CHST11: variants seen among roughly 807,000 people sequenced by gnomAD.
CHST11 encodes the protein carbohydrate sulfotransferase 11.
CHST11 carries 9 observed loss-of-function variants against 30.4 expected under a neutral mutation model. The observed-to-expected ratio is 0.30, with a 90% CI of 0.18 to 0.52. The LOEUF (loss-of-function observed/expected upper bound fraction) is 0.52. Ranked by LOEUF, CHST11 falls within the 20% of genes least tolerant of loss-of-function variation. The pLI is 0.97. For missense variants in CHST11, 348 were observed against 460.6 expected, an observed-to-expected ratio of 0.76 and a Z score of 2.24; for synonymous variants, 152 against 187.8, an observed-to-expected ratio of 0.81 and a Z score of 1.56.
rs55789725 is a variant in CHST11, at chr12:104,686,232, T to TAAAAAAAAA, written c.205-70708_205-70700dup. 4.5e-3 allele frequency among the ~76,000 whole-genome samples: 449 copies of TAAAAAAAAA among 99,062 alleles called. 33 individuals carry two copies. The East Asian group carries it at 0.055, about 12-fold the overall frequency. 65.0% of individuals were successfully genotyped at this position (99,062 alleles called of 152,430 possible). ...GATCACAAAGGGAGAACTCACCTCT[T>TAAAAAAAAA]AAAAAAAAAAAAAAAAAGACAACAT... On this transcript the variant is annotated intron_variant, in intron 2 of 2. Coordinates refer to ENST00000303694, the MANE Select transcript of CHST11 (RefSeq NM_018413.6).
chr12:104,655,043 CTGTCTGTCTG>C (rs1458153457), intron 2 of CHST11, among the ~76,000 whole-genome samples: 1 of 152,152 alleles, frequency 6.6e-6, no homozygotes, highest in African/African-American at 2.4e-5. Flanking sequence ...TCTTGGATCT[CTGTCTGTCTG>C]TGTCTCTCTT....
At chr12:104,720,942 T>C (rs933729581) in intron 2 of CHST11, among the ~76,000 whole-genome samples, 8 of 152,126 alleles carry the variant, frequency 5.3e-5, no homozygotes, top group African/African-American at 1.7e-4. Context: ...AGGTCGTGGA[T>C]GTAGGAAGGG....
intron 1 of CHST11, chr12:104,514,413 G>A (rs2037999803): frequency 2.2e-6 from 2 of 907,924 alleles, no homozygotes; most frequent in East Asian, 4.8e-5. Context: ...TTTGATGGTT[G>A]CCTTCCTCAT....
intron 2 of CHST11, among the ~76,000 whole-genome samples, chr12:104,691,884 G>A (rs2039899993): frequency 1.3e-5 from 2 of 152,188 alleles, no homozygotes; most frequent in African/African-American, 4.8e-5. Context: ...CGAATTCCGA[G>A]TGTGTGGCTT....
intron 1 of CHST11, among the ~76,000 whole-genome samples, chr12:104,477,635 A>G (rs1410149044): frequency 6.6e-6 from 1 of 152,090 alleles, no homozygotes; most frequent in East Asian, 1.9e-4. Context: ...GTGCCATGGG[A>G]GGACACAGTG....
intron 2 of CHST11, among the ~76,000 whole-genome samples, chr12:104,667,441 A>G (rs970061211): frequency 5.9e-5 from 9 of 152,124 alleles, no homozygotes; most frequent in African/African-American, 2.2e-4. Flanking sequence ...ATGACAACAT[A>G]TATGTTCCTT....
chr12:104,548,456 A>C (rs973187481), intron 1 of CHST11, among the ~76,000 whole-genome samples: 2 of 152,216 alleles, frequency 1.3e-5, no homozygotes, highest in Non-Finnish European at 2.9e-5. Flanking sequence ...GAGTTGGTAC[A>C]ATCCAGCCGT....
At chr12:104,567,668 C>A (rs1391229743) in intron 1 of CHST11, among the ~76,000 whole-genome samples, 1 of 152,136 alleles carries the variant, frequency 6.6e-6, no homozygotes, top group Non-Finnish European at 1.5e-5. Flanking sequence ...GAGCAAGGAT[C>A]CAGGGTCACA....
At position 104,499,511 on chromosome 12, in the gene CHST11, T is replaced by C. The variant is rs565232418; in HGVS notation, c.118+41982T>C. 3.7e-4 allele frequency among the ~76,000 whole-genome samples: 56 copies of C among 152,298 alleles called. 2 individuals carry two copies. In the South Asian group the frequency reaches 0.012, roughly 32 times the overall value. On this transcript the variant is annotated intron_variant, in intron 1 of 2. Coordinates refer to ENST00000303694, the MANE Select transcript of CHST11 (RefSeq NM_018413.6). ...TTCTGGGGCCAGACTGTGTATCCTA[T>C]AACCTTGGCCTCAGCAAGAAAACAT... is the stretch of plus-strand genomic sequence containing the variant.
chr12:104,470,735 G>A (rs1200075267), intron 1 of CHST11, among the ~76,000 whole-genome samples: 1 of 152,166 alleles, frequency 6.6e-6, no homozygotes, highest in Admixed American at 6.5e-5. Flanking sequence ...CATTATACAG[G>A]TGAGGAAACT....
chr12:104,457,580 CT>C, intron 1 of CHST11, 51 bp downstream of exon 1: 1 of 1,278,066 alleles, frequency 7.8e-7, no homozygotes, highest in Non-Finnish European at 1.1e-6. Flanking sequence ...CTCTCTCGCG[CT>C]CTAGCTCGCT....
At position 104,537,072 on chromosome 12, in the gene CHST11, C is replaced by A. The variant is rs190022692; in HGVS notation, c.119-64834C>A. Among the ~76,000 whole-genome samples, 45 of 152,192 alleles carry A rather than the reference C, an allele frequency of 3.0e-4. 1 individual carries two copies. Among genetic ancestry groups the A allele is most frequent in the Admixed American group, 2.9e-3 (45 of 15,280 alleles). The stretch of plus-strand genomic sequence containing the variant: ...CATGTGCATGGCTGCCCTCTGGTTA[C>A]ACACCACATTGCACGCAGGTGTGTG... On this transcript the variant is annotated intron_variant, in intron 1 of 2. Transcript: ENST00000303694.
intron 2 of CHST11, among the ~76,000 whole-genome samples, chr12:104,619,778 G>A (rs1190515795): frequency 2.6e-5 from 4 of 152,128 alleles, no homozygotes; most frequent in Admixed American, 6.6e-5. Flanking sequence ...AACTCATCTC[G>A]CAAACCCATT....
At chr12:104,687,802 T>C (rs916208523) in intron 2 of CHST11, among the ~76,000 whole-genome samples, 1 of 152,108 alleles carries the variant, frequency 6.6e-6, no homozygotes, top group Non-Finnish European at 1.5e-5. Flanking sequence ...TTTTTTCCCT[T>C]TGCAGCTTTG....
intron 2 of CHST11, among the ~76,000 whole-genome samples, chr12:104,614,842 G>A (rs1390642755): frequency 6.6e-6 from 1 of 151,946 alleles, no homozygotes; most frequent in Non-Finnish European, 1.5e-5. Context: ...AGAGGGGAGA[G>A]GGGAGAAAGG....
chr12:104,602,118 G>A, intron 2 of CHST11, 127 bp downstream of exon 2: 3 of 674,360 alleles, frequency 4.4e-6, no homozygotes, highest in East Asian at 2.7e-5. Flanking sequence ...TTTACCTTCA[G>A]TGGTTGCTTT....
chr12:104,574,050 G>A (rs1446352754), intron 1 of CHST11, among the ~76,000 whole-genome samples: 1 of 152,192 alleles, frequency 6.6e-6, no homozygotes, highest in Non-Finnish European at 1.5e-5. Flanking sequence ...AGTGGGCGAA[G>A]GATATGAACA....
chr12:104,610,269 GA>G (rs1307230407), intron 2 of CHST11, among the ~76,000 whole-genome samples: 1 of 152,210 alleles, frequency 6.6e-6, no homozygotes, highest in East Asian at 1.9e-4. Context: ...GTGTTCATGT[GA>G]AAGCATTGAT....
intron 2 of CHST11, among the ~76,000 whole-genome samples, chr12:104,755,261 G>A (rs1034182572): frequency 9.2e-5 from 14 of 152,182 alleles, no homozygotes; most frequent in Admixed American, 3.9e-4. Context: ...AGGATTTCAC[G>A]GATACAGCTG....
Sources: allele counts gnomAD v4.1 joint callset (sites outside exome capture counted in the v4.1 genomes callset), GRCh38; gene constraint gnomAD v4.1.1; transcripts MANE v1.5; gene names NCBI Gene and HGNC (gene_info 2026-07-23, HGNC 2026-07-21).